The following ARID1A variants were observed in gnomAD, a reference collection of about 807,000 sequenced individuals.
ARID1A encodes the protein AT-rich interaction domain 1A, also known as AT-rich interactive domain-containing protein 1A.
ARID1A carries 20 observed loss-of-function variants against 212.6 expected under a neutral mutation model. The ratio of observed to expected loss-of-function variants is 0.09; its 90% confidence interval spans 0.07 to 0.14. ARID1A has a LOEUF of 0.14. ARID1A is among the 10% of genes least tolerant of loss of function. The pLI is 1.00. For missense variants in ARID1A, 2,587 were observed against 3,059.0 expected (o/e 0.85, Z 3.64); for synonymous variants, 1,376 against 1,222.1 (o/e 1.13, Z -2.63).
intron 13 of ARID1A, 62 bp downstream of exon 13, chr1:26,772,694 C>T (rs531077552): frequency 1.2e-6 from 2 of 1,612,496 alleles, no homozygotes; most frequent in African/African-American, 1.3e-5. Context: ...CATGGGAACT[C>T]CTTGCAGCCC....
chr1:26,772,350 C>A, intron 12 of ARID1A, 150 bp from the exon 13 acceptor site: 1 of 1,129,982 alleles, frequency 8.8e-7, no homozygotes, highest in Non-Finnish European at 1.3e-6. Context: ...TATGACCTGG[C>A]CTTGTAGATC....
chr1:26,773,371 C>T lies in ARID1A; in HGVS notation c.3741C>T (p.Ser1247=), dbSNP rs1349314064. The change falls in exon 15 of 20, where the codon TCC becomes TCT. Residue 1247 remains serine, a synonymous_variant. Transcript: ENST00000324856. ...CTCCAGGGAGTGATCCCTTCATGTC[C>T]TCAGGGCAGGGCCCCAACGGCGGGA... is the stretch of plus-strand genomic sequence containing the variant. ...RKAPGSDPFM[S]SGQGPNGGMG... 2.5e-6 allele frequency: 4 copies of T among 1,606,680 alleles called. No homozygotes were observed. The highest frequency in any genetic ancestry group is 1.7e-4 in the Middle Eastern group (1 of 6,010).
chr1:26,702,483 C>T (rs993632198), intron 1 of ARID1A, among the ~76,000 whole-genome samples: 7 of 152,314 alleles, frequency 4.6e-5, no homozygotes, highest in Middle Eastern at 3.4e-3. Context: ...CATCTTCTAT[C>T]GTCTCTGAAG....
chr1:26,746,256 C>A (rs2080834523), intron 4 of ARID1A, among the ~76,000 whole-genome samples: 1 of 152,178 alleles, frequency 6.6e-6, no homozygotes. Context: ...GAAGAATTCT[C>A]AAAAACTAGA....
intron 1 of ARID1A, among the ~76,000 whole-genome samples, chr1:26,719,909 C>A (rs2080544250): frequency 7.3e-6 from 1 of 137,872 alleles, no homozygotes; most frequent in African/African-American, 2.8e-5. Flanking sequence ...CCATTACACT[C>A]TAGCCTGGGC....
At chr1:26,767,127 T>C (rs2081046511) in intron 10 of ARID1A, among the ~76,000 whole-genome samples, 1 of 152,182 alleles carries the variant, frequency 6.6e-6, no homozygotes, top group African/African-American at 2.4e-5. Context: ...TGGCCATACC[T>C]CACTTTCCCT....
intron 1 of ARID1A, among the ~76,000 whole-genome samples, chr1:26,703,055 G>C (rs912809458): frequency 1.3e-5 from 2 of 152,146 alleles, no homozygotes; most frequent in African/African-American, 4.8e-5. Flanking sequence ...TTTTGCTGTT[G>C]TGCTGGGGAT....
chr1:26,708,848 C>T (rs1276620401), intron 1 of ARID1A, among the ~76,000 whole-genome samples: 1 of 151,930 alleles, frequency 6.6e-6, no homozygotes, highest in Non-Finnish European at 1.5e-5. Flanking sequence ...GTGCCCGCCA[C>T]CACGCCCGGC....
chr1:26,741,295 A>G (rs2080786504), intron 4 of ARID1A, among the ~76,000 whole-genome samples: 1 of 152,240 alleles, frequency 6.6e-6, no homozygotes, highest in Admixed American at 6.5e-5. Flanking sequence ...CAAAGAAAAT[A>G]GGTAGTTGGG....
rs1357085488 is a variant in ARID1A, at chr1:26,774,597, T to C, written c.4370T>C (p.Phe1457Ser). The C allele has an allele frequency of 6.2e-6, 10 of 1,613,980 alleles. No individual in the cohort carries two copies. The highest frequency in any genetic ancestry group is 8.5e-6 in the Non-Finnish European group (10 of 1,180,018). ...GGCGGCCCCCAGAACCAATTTCCAT[T>C]CCAGTTTGGCCGAGACCGTGTCTCT... ...PAGGPQNQFP[F>S]QFGRDRVSAP... The change falls in exon 18 of 20, where the codon TTC (phenylalanine) becomes TCC (serine). Residue 1457 changes from phenylalanine to serine, a missense_variant. Phe to Ser is a radical substitution (Grantham distance 155). Coordinates refer to ENST00000324856, the MANE Select transcript of ARID1A (RefSeq NM_006015.6). This position sits in a 1 kb window ranked among gnomAD's most constrained non-coding sequence, Gnocchi z 5.6.
rs916869052 is a variant in ARID1A, at chr1:26,779,431, C to T, written c.5533C>T (p.Arg1845Trp). The change falls in exon 20 of 20, where the codon CGG becomes TGG. Residue 1845 changes from arginine (R) to tryptophan (W), a missense_variant. Physicochemically the swap from Arg to Trp is moderately radical, Grantham distance 101. Transcript: ENST00000324856. ...GTTTGACAGTGGCCTGCTGCACTGGCGGATTGGTGGGGGGGACACCACTGA... is the reference window on the plus strand; with the variant it reads ...GTTTGACAGTGGCCTGCTGCACTGGTGGATTGGTGGGGGGGACACCACTGA... ...QEFDSGLLHW[R>W]IGGGDTTEHI... is the part of the protein sequence containing the mutation. The T allele has an allele frequency of 2.5e-6, 4 of 1,614,070 alleles. No homozygotes were observed. The highest frequency in any genetic ancestry group is 1.7e-5 in the Admixed American group (1 of 60,012).
rs1019084578 is a variant in ARID1A at position 26,773,798 on chromosome 1, A to G, written c.4005-4A>G. 9 of 1,614,014 alleles carry G rather than the reference A, an allele frequency of 5.6e-6. No homozygotes were observed. The highest frequency in any genetic ancestry group is 1.3e-5 in the African/African-American group (1 of 74,902). ...CTAATCCTGTGTTTCTTTGCCTCCTATAGACATGATTCCTATGGCAATCAG... is the reference window on the plus strand; with the variant it reads ...CTAATCCTGTGTTTCTTTGCCTCCTGTAGACATGATTCCTATGGCAATCAG... On this transcript the variant is annotated splice_region_variant and splice_polypyrimidine_tract_variant and intron_variant, in intron 16 of 19. Coordinates refer to ENST00000324856, the MANE Select transcript of ARID1A (RefSeq NM_006015.6).
intron 1 of ARID1A, among the ~76,000 whole-genome samples, chr1:26,703,420 A>G (rs1477486388): frequency 6.6e-6 from 1 of 152,170 alleles, no homozygotes; most frequent in East Asian, 1.9e-4. Flanking sequence ...TTTTTTAACT[A>G]GATTCATTGA....
At chr1:26,773,019 C>G (rs760002896) in intron 14 of ARID1A, 32 bp downstream of exon 14, 1 of 1,588,538 alleles carries the variant, frequency 6.3e-7, no homozygotes, top group Non-Finnish European at 8.6e-7. Flanking sequence ...TGAACTTGTG[C>G]TCGTAAAGAC....
At chr1:26,734,557 T>G (rs893099287) in intron 4 of ARID1A, among the ~76,000 whole-genome samples, 1 of 152,216 alleles carries the variant, frequency 6.6e-6, no homozygotes, top group African/African-American at 2.4e-5. Flanking sequence ...TTCATCCAAA[T>G]GGGTCATTTG....
Position 26,774,789 on chromosome 1 carries a change from C to G in ARID1A, c.4562C>G (p.Pro1521Arg), listed in dbSNP as rs2124120498. Residue 1521 changes from proline to arginine, a missense_variant, in exon 18 of 20, where the codon CCC becomes CGC. By Grantham distance (103) the Pro-to-Arg change is moderately radical (BLOSUM62 -2). Around this residue, in one of 11 missense-constraint regions of ARID1A, gnomAD observed 890 missense variants for 1,098.2 expected, o/e 0.81. Coordinates refer to ENST00000324856, the MANE Select transcript of ARID1A (RefSeq NM_006015.6). The surrounding 1 kb of genome is among the most constrained non-coding windows in gnomAD (Gnocchi z 5.6). ...RQSTGSAPQG[P>R]AYHGVNRTDE... ...AGCACGGGCTCTGCCCCCCAGGGCCCCGCCTATCATGGCGTGAACCGAACA... is the reference window on the plus strand; with the variant it reads ...AGCACGGGCTCTGCCCCCCAGGGCCGCGCCTATCATGGCGTGAACCGAACA... 6.2e-7 allele frequency: 1 copy of G among 1,614,192 alleles called. No individual in the cohort carries two copies. The highest frequency in any genetic ancestry group is 8.5e-7 in the Non-Finnish European group (1 of 1,180,022).
At chr1:26,763,971 ATATT>A (rs1255009761) in intron 8 of ARID1A, among the ~76,000 whole-genome samples, 1 of 151,462 alleles carries the variant, frequency 6.6e-6, no homozygotes, top group Non-Finnish European at 1.5e-5. Flanking sequence ...TTTATTTTTT[ATATT>A]TATTTATTTA....
At chr1:26,711,024 C>T (rs890440279) in intron 1 of ARID1A, among the ~76,000 whole-genome samples, 2 of 152,022 alleles carry the variant, frequency 1.3e-5, no homozygotes, top group African/African-American at 2.4e-5. Flanking sequence ...TGGTGACAGT[C>T]ATTTTCCTGG....
intron 1 of ARID1A, among the ~76,000 whole-genome samples, chr1:26,718,229 C>T (rs1160990814): frequency 2.0e-5 from 3 of 152,226 alleles, no homozygotes; most frequent in African/African-American, 7.2e-5. Context: ...CCTGCCTCCG[C>T]CTCCCAAAGT....
Sources: allele counts gnomAD v4.1 joint callset (sites outside exome capture counted in the v4.1 genomes callset), GRCh38; gene constraint gnomAD v4.1.1; regional missense constraint gnomAD v4.1.1; non-coding constraint Gnocchi (gnomAD v3.1); transcripts MANE v1.5; gene names NCBI Gene and HGNC (gene_info 2026-07-23, HGNC 2026-07-21).